The following DHX34 variants were observed in gnomAD, a reference collection of about 807,000 sequenced individuals.
The protein encoded by DHX34 is DExH-box helicase 34, also known as probable ATP-dependent RNA helicase DHX34.
Under a neutral mutation model 111.1 loss-of-function variants are expected in DHX34, and 96 were observed. That is an observed-to-expected ratio of 0.86 (90% CI 0.73 to 1.02). The LOEUF (loss-of-function observed/expected upper bound fraction) is 1.02, where lower values mean the gene tolerates loss of function less well. DHX34 is among the 50% of genes least tolerant of loss of function. The pLI, the probability that DHX34 is intolerant of heterozygous loss-of-function variation, is 0.00. For synonymous variants in DHX34, 688 were observed against 670.4 expected (o/e 1.03, Z -0.41); for missense variants, 1,560 against 1,579.9 (o/e 0.99, Z 0.21).
rs1339630096 is a variant in DHX34, at chr19:47,382,186, T to TG, written c.*74dup. The TG allele has an allele frequency of 1.3e-6, 2 of 1,574,440 alleles. No homozygotes were observed. Among genetic ancestry groups the TG allele is most frequent in the African/African-American group, 2.7e-5 (2 of 73,560 alleles). ...AGCCCAGGACTAGGGGCAGGACTCT[T>TG]GCCTGAACCCCCAGCCTGGGCTTAG... is the stretch of plus-strand genomic sequence containing the variant. On this transcript the variant is annotated 3_prime_UTR_variant, in exon 17 of 17. Coordinates refer to ENST00000328771, the MANE Select transcript of DHX34 (RefSeq NM_014681.6).
Position 47,381,270 on chromosome 19 carries a change from G to A in DHX34, c.3244G>A (p.Glu1082Lys). 3 of 1,613,988 alleles carry A rather than the reference G, an allele frequency of 1.9e-6. No individual in the cohort carries two copies. In the African/African-American group the frequency reaches 4.0e-5, roughly 22 times the overall value. Residue 1082 changes from glutamate to lysine, a missense_variant, in exon 16 of 17, where the codon GAG becomes AAG. Coordinates refer to ENST00000328771, the MANE Select transcript of DHX34 (RefSeq NM_014681.6). ...CGLHAPLTPL[E>K]RIAHENTCPQ... ...CCTGCATGCGCCCCTCACGCCCCTG[G>A]AGCGCATCGCCCATGAGAACACCTG...
intron 7 of DHX34, 85 bp from the exon 8 acceptor site, chr19:47,372,645 C>T (rs974595207): frequency 7.8e-6 from 10 of 1,278,250 alleles, no homozygotes; most frequent in East Asian, 3.1e-5. Flanking sequence ...GGAGGGCAGG[C>T]GGGAGGGCAG....
In DHX34 at chr19:47,373,656, G is replaced by A; in HGVS notation, c.2020G>A (p.Glu674Lys). 1 of 1,614,078 alleles carries A rather than the reference G, an allele frequency of 6.2e-7. No individual in the cohort carries two copies. The highest frequency in any genetic ancestry group is 1.1e-5 in the South Asian group (1 of 91,078). ...GTGGTGCCGCCGCCGGGGCATAGAG[G>A]AGCATCGACTGTACGAAATGGCCAA... ...RKWCRRRGIE[E>K]HRLYEMANLR... The change falls in exon 9 of 17, where the codon GAG becomes AAG. Residue 674 changes from glutamate (E) to lysine (K), a missense_variant. Glu to Lys is a moderately conservative substitution (Grantham distance 56). Transcript: ENST00000328771.
intron 15 of DHX34, 35 bp from the exon 16 acceptor site, chr19:47,381,151 G>C (rs770519058): frequency 1.3e-5 from 21 of 1,608,900 alleles, no homozygotes; most frequent in Middle Eastern, 1.7e-4. Flanking sequence ...GTGGCACTTG[G>C]CGGGGGCCCA....
At chr19:47,375,398 C>G in intron 9 of DHX34, 68 bp from the exon 10 acceptor site, 1 of 1,472,942 alleles carries the variant, frequency 6.8e-7, no homozygotes, top group Middle Eastern at 1.9e-4. Context: ...GGGAGGGTCC[C>G]CATTTCCATG....
chr19:47,353,848 A>G lies in DHX34; in HGVS notation c.705+113A>G. On this transcript the variant is annotated intron_variant, in intron 2 of 16. Coordinates refer to ENST00000328771, the MANE Select transcript of DHX34 (RefSeq NM_014681.6). The surrounding 1 kb of genome is among the most constrained non-coding windows in gnomAD (Gnocchi z 4.6). ...GAAGCACTTACCCTTGGACCCAGCG[A>G]TGATTCTTCTAGAACTTTATCCACA... 4 of 1,051,316 alleles carry G rather than the reference A, an allele frequency of 3.8e-6. No individual in the cohort carries two copies. Among genetic ancestry groups the G allele is most frequent in the Non-Finnish European group, 5.3e-6 (4 of 751,402 alleles). 65.1% of individuals were successfully genotyped at this position (1,051,316 alleles called of 1,614,324 possible).
intron 6 of DHX34, among the ~76,000 whole-genome samples, chr19:47,365,751 T>C (rs2122274682): frequency 6.6e-6 from 1 of 152,242 alleles, no homozygotes; most frequent in Non-Finnish European, 1.5e-5. Context: ...AGCCTCTCCT[T>C]CTTCCAGTCA....
chr19:47,377,461 G>T (rs1489181616), intron 13 of DHX34, among the ~76,000 whole-genome samples: 1 of 147,168 alleles, frequency 6.8e-6, no homozygotes. Context: ...CAGGCATGAA[G>T]CCCAGCCCCT....
In DHX34 at chr19:47,355,227, G is replaced by A; in HGVS notation, c.894G>A (p.Leu298=). ...TCCTCCTGGGCGTCCTCCAGCGCCT[G>A]TTGCCCACGCGGCCTGACCTCAAGG... ...NDFLLGVLQR[L]LPTRPDLKVI... The change falls in exon 3 of 17, where the codon CTG becomes CTA. Residue 298 remains leucine (L), a synonymous_variant. Transcript: ENST00000328771. The A allele has an allele frequency of 6.2e-7, 1 of 1,614,178 alleles. No homozygotes were observed. The highest frequency in any genetic ancestry group is 8.5e-7 in the Non-Finnish European group (1 of 1,180,040).
chr19:47,366,838 T>C, intron 6 of DHX34, 143 bp from the exon 7 acceptor site: 1 of 1,353,316 alleles, frequency 7.4e-7, no homozygotes, highest in Non-Finnish European at 9.6e-7. Flanking sequence ...CCTTTCAAAG[T>C]GCTGGGATTA....
chr19:47,375,818 C>T, intron 10 of DHX34, 106 bp from the exon 11 acceptor site: 1 of 1,546,478 alleles, frequency 6.5e-7, no homozygotes, highest in South Asian at 1.2e-5. Flanking sequence ...GCCGGGTTTC[C>T]ATGGACGGTG....
chr19:47,352,279 CAT>C (rs1234341543), intron 1 of DHX34, among the ~76,000 whole-genome samples: 1 of 152,220 alleles, frequency 6.6e-6, no homozygotes, highest in Admixed American at 6.5e-5. Flanking sequence ...GTGTGTGTCA[CAT>C]GAGAGATCAT....
rs1346362513 is a variant in DHX34 at position 47,380,984 on chromosome 19, TGCCTCACGGTAA to T, written c.3154_3159+6del. ...AGTCACTGACTTCCTCACCTACAAC[TGCCTCACGGTAA>T]GCATGAACCCTCCTTCCCTGAAGGT... On this transcript the variant is annotated splice_donor_variant and splice_donor_region_variant and coding_sequence_variant and intron_variant, in exon 15 of 17. Coordinates refer to ENST00000328771, the MANE Select transcript of DHX34 (RefSeq NM_014681.6). LOFTEE classifies it high-confidence loss of function. The T allele has an allele frequency of 6.3e-7, 1 of 1,575,716 alleles. No individual in the cohort carries two copies. The highest frequency in any genetic ancestry group is 8.6e-7 in the Non-Finnish European group (1 of 1,162,772).
chr19:47,354,993 C>T (rs1568394038), intron 2 of DHX34, 46 bp from the exon 3 acceptor site: 3 of 1,595,620 alleles, frequency 1.9e-6, no homozygotes, highest in Non-Finnish European at 2.6e-6. Context: ...GGGGCTGGTA[C>T]CCAGGCTCAG....
In DHX34 at chr19:47,379,886, G is replaced by C; in HGVS notation, c.2883G>C (p.Gln961His). The C allele has an allele frequency of 1.9e-6, 3 of 1,613,450 alleles. No homozygotes were observed. Among genetic ancestry groups the C allele is most frequent in the Non-Finnish European group, 2.5e-6 (3 of 1,179,648 alleles). Residue 961 changes from glutamine (Q) to histidine (H), a missense_variant, in exon 14 of 17, where the codon CAG becomes CAC. By Grantham distance (24) the Gln-to-His change is conservative. Coordinates refer to ENST00000328771, the MANE Select transcript of DHX34 (RefSeq NM_014681.6). ...ESALDRQLAH[Q>H]AQQQLEEEEE... Reference sequence around the variant, plus strand: ...CCCTGGACCGGCAGCTGGCGCACCAGGCCCAGCAGCAGCTGGAGGAGGAGG... The same window carrying C: ...CCCTGGACCGGCAGCTGGCGCACCACGCCCAGCAGCAGCTGGAGGAGGAGG...
Position 47,375,614 on chromosome 19 carries a change from T to TG in DHX34, c.2214dup (p.Leu739AlafsTer13), listed in dbSNP as rs1279929695. 6.5e-7 allele frequency: 1 copy of TG among 1,549,376 alleles called. No individual in the cohort carries two copies. The highest frequency in any genetic ancestry group is 2.0e-5 in the Admixed American group (1 of 50,974). Reference sequence around the variant, plus strand: ...GAGGGCGCGGGGCGCAGGCGCAAGGTGCTGCGGCTGCAGGAGGAGCAGGAC... The same window carrying TG: ...GAGGGCGCGGGGCGCAGGCGCAAGGTGGCTGCGGCTGCAGGAGGAGCAGGAC... On this transcript the variant is annotated frameshift_variant, in exon 10 of 17. Coordinates refer to ENST00000328771, the MANE Select transcript of DHX34 (RefSeq NM_014681.6). LOFTEE classifies it high-confidence loss of function.
At chr19:47,358,246 C>T (rs1056660378) in intron 4 of DHX34, 126 bp downstream of exon 4, 4 of 1,438,896 alleles carry the variant, frequency 2.8e-6, no homozygotes, top group Admixed American at 5.3e-5. Context: ...GTCGTAGCCA[C>T]CTAGTGGCAG....
chr19:47,375,263 C>T (rs886635957), intron 9 of DHX34: 8 of 984,798 alleles, frequency 8.1e-6, no homozygotes, highest in Admixed American at 6.1e-5. Flanking sequence ...CTCCTCTTGC[C>T]CCTGGCCCCG....
intron 6 of DHX34, among the ~76,000 whole-genome samples, chr19:47,364,070 T>C (rs1241973613): frequency 1.3e-5 from 2 of 152,148 alleles, no homozygotes; most frequent in African/African-American, 4.8e-5. Flanking sequence ...TTTTCTTTAT[T>C]CAGGGACCCA....
Sources: allele counts gnomAD v4.1 joint callset (sites outside exome capture counted in the v4.1 genomes callset), GRCh38; gene constraint gnomAD v4.1.1; non-coding constraint Gnocchi (gnomAD v3.1); transcripts MANE v1.5; gene names NCBI Gene and HGNC (gene_info 2026-07-23, HGNC 2026-07-21).